The following FBP1 variants were observed in gnomAD, a reference collection of about 807,000 sequenced individuals.
FBP1 encodes fructose-1,6-bisphosphatase 1.
In FBP1, 22 loss-of-function variants were observed where a neutral mutation model predicts 29.9. The observed-to-expected ratio is 0.74, with a 90% CI of 0.53 to 1.05. The LOEUF (loss-of-function observed/expected upper bound fraction) is 1.05, where lower values mean the gene tolerates loss of function less well. Among genes scored for constraint, FBP1 ranks in the 50% least tolerant of loss-of-function variants. FBP1 has a pLI of 0.00. For synonymous variants in FBP1, 175 were observed against 178.6 expected (o/e 0.98, Z 0.16); for missense variants, 345 against 448.2 (o/e 0.77, Z 2.08).
chr9:94,626,790 C>T lies in FBP1; in HGVS notation c.171-6299G>A, dbSNP rs1828031942. The stretch of plus-strand genomic sequence containing the variant: ...ATGTCTGGCCAGGCACAGTGGCTCA[C>T]ACCTGTAATCTCAGCACTTTGGGAA... On this transcript the variant is annotated intron_variant, in intron 1 of 6. Coordinates refer to ENST00000375326, the MANE Select transcript of FBP1 (RefSeq NM_000507.4). Among the ~76,000 whole-genome samples, 4 of 152,176 alleles carry T rather than the reference C, an allele frequency of 2.6e-5. No homozygotes were observed. The South Asian group carries it at 8.3e-4, about 32-fold the overall frequency.
intron 5 of FBP1, 98 bp from the exon 6 acceptor site, chr9:94,605,674 G>T (rs992494549): frequency 1.7e-6 from 2 of 1,196,116 alleles, no homozygotes; most frequent in Non-Finnish European, 1.2e-6. Flanking sequence ...TCCATTCACC[G>T]AGCACCTACA....
chr9:94,603,698 T>G, intron 6 of FBP1, 126 bp from the exon 7 acceptor site: 1 of 887,946 alleles, frequency 1.1e-6, no homozygotes, highest in Non-Finnish European at 1.8e-6. Flanking sequence ...GTATTTTTCC[T>G]TCCTGTGAGG....
chr9:94,605,975 G>T, intron 5 of FBP1, among the ~76,000 whole-genome samples: 1 of 152,180 alleles, frequency 6.6e-6, no homozygotes, highest in East Asian at 1.9e-4. Flanking sequence ...ACAAGTGTCT[G>T]CTTAGCAATG....
intron 1 of FBP1, among the ~76,000 whole-genome samples, chr9:94,634,940 T>C (rs1278204546): frequency 6.6e-6 from 1 of 151,990 alleles, no homozygotes; most frequent in African/African-American, 2.4e-5. Context: ...AATACAAAAA[T>C]TAGCCAGGTA....
chr9:94,639,048 G>C (rs891063228), intron 1 of FBP1, 93 bp downstream of exon 1: 17 of 1,239,490 alleles, frequency 1.4e-5, no homozygotes, highest in Admixed American at 9.9e-5. Context: ...AGAGGCTGAC[G>C]GCAGGAGGCT....
intron 1 of FBP1, among the ~76,000 whole-genome samples, chr9:94,637,680 C>T (rs1371431151): frequency 2.6e-5 from 4 of 152,078 alleles, no homozygotes; most frequent in African/African-American, 7.2e-5. Flanking sequence ...CTAGAGCCTA[C>T]GCGCCCAGCC....
intron 1 of FBP1, among the ~76,000 whole-genome samples, chr9:94,625,748 T>G (rs1828016826): frequency 6.6e-6 from 1 of 152,084 alleles, no homozygotes; most frequent in Admixed American, 6.5e-5. Flanking sequence ...TGAGCCCAGA[T>G]GGCGCCCCTG....
intron 3 of FBP1, among the ~76,000 whole-genome samples, chr9:94,612,700 G>A (rs149568970): frequency 0.053 from 8,058 of 151,774 alleles, 685 homozygotes; most frequent in African/African-American, 0.18. Flanking sequence ...GGGATTACAG[G>A]CGCCCACCAC....
intron 1 of FBP1, among the ~76,000 whole-genome samples, chr9:94,635,132 T>C (rs1197190922): frequency 6.7e-6 from 1 of 149,950 alleles, no homozygotes; most frequent in Non-Finnish European, 1.5e-5. Context: ...ATAGATGAGA[T>C]TTAGAGTTTG....
intron 3 of FBP1, among the ~76,000 whole-genome samples, chr9:94,616,409 T>C (rs1226266625): frequency 6.6e-6 from 1 of 152,126 alleles, no homozygotes; most frequent in Non-Finnish European, 1.5e-5. Context: ...CAAAAACTAT[T>C]TGTACCCCCC....
intron 4 of FBP1, among the ~76,000 whole-genome samples, chr9:94,609,070 G>T (rs905644468): frequency 2.0e-5 from 3 of 151,908 alleles, no homozygotes; most frequent in Non-Finnish European, 4.4e-5. Flanking sequence ...GGCGCCTGTA[G>T]TCCCAGCTAC....
At position 94,614,864 on chromosome 9, in the gene FBP1, G is replaced by A. The variant is rs867045514; in HGVS notation, c.426+2904C>T. On this transcript the variant is annotated intron_variant, in intron 3 of 6. Transcript: ENST00000375326. ...TTCAAAAAACTGAAATGACTTAGAGGTCTGTGTCATACTCATCATCACTTT... is the reference window on the plus strand; with the variant it reads ...TTCAAAAAACTGAAATGACTTAGAGATCTGTGTCATACTCATCATCACTTT... 3.3e-5 allele frequency among the ~76,000 whole-genome samples: 5 copies of A among 152,178 alleles called. No individual in the cohort carries two copies. In the South Asian group the frequency reaches 6.2e-4, roughly 19 times the overall value.
chr9:94,607,881 G>A (rs1827724245), intron 4 of FBP1, among the ~76,000 whole-genome samples: 2 of 152,260 alleles, frequency 1.3e-5, no homozygotes, highest in African/African-American at 4.8e-5. Context: ...AGGGAGGGGA[G>A]AATTCACAGT....
chr9:94,616,505 A>G (rs914606595), intron 3 of FBP1, among the ~76,000 whole-genome samples: 3 of 128,426 alleles, frequency 2.3e-5, no homozygotes, highest in African/African-American at 9.2e-5. Flanking sequence ...CAGTGGTGTG[A>G]TCTCGGCTCA....
chr9:94,635,086 C>CAAAAAAAAAAAAAAAAAAAAAAAA (rs11289183), intron 1 of FBP1, among the ~76,000 whole-genome samples: 1 of 82,254 alleles, frequency 1.2e-5, no homozygotes, highest in Non-Finnish European at 2.3e-5. Context: ...GGCCCTGTCT[C>CAAAAAAAAAAAAAAAAAAAAAAAA]AAAAAAAAAA....
chr9:94,617,776 A>G lies in FBP1; in HGVS notation c.418T>C (p.Tyr140His). The G allele has an allele frequency of 6.2e-7, 1 of 1,610,988 alleles. No homozygotes were observed. Among genetic ancestry groups the G allele is most frequent in the Non-Finnish European group, 8.5e-7 (1 of 1,177,158 alleles). ...LVSVGTIFGI[Y>H]RKKSTDEPSE... is the part of the protein sequence containing the mutation. ...AAGATATCACGTTTTACCTTTCTATAGATGCCAAAAATGGTTCCAACGGAC... is the reference window on the plus strand; with the variant it reads ...AAGATATCACGTTTTACCTTTCTATGGATGCCAAAAATGGTTCCAACGGAC... The change falls in exon 3 of 7, where the codon TAT becomes CAT. Residue 140 changes from tyrosine (Y) to histidine (H), a missense_variant. Coordinates refer to ENST00000375326, the MANE Select transcript of FBP1 (RefSeq NM_000507.4).
intron 3 of FBP1, among the ~76,000 whole-genome samples, chr9:94,616,917 CCTCTCT>C (rs57093330): frequency 1.3e-5 from 2 of 149,162 alleles, no homozygotes; most frequent in Admixed American, 6.7e-5. Context: ...TCCTCTCTCT[CCTCTCT>C]CTCTCTCTCT....
At chr9:94,621,278 C>T (rs1827945900) in intron 1 of FBP1, among the ~76,000 whole-genome samples, 3 of 150,576 alleles carry the variant, frequency 2.0e-5, no homozygotes, top group Admixed American at 1.3e-4. Flanking sequence ...CGCCTGTAGT[C>T]CCAGCTATTC....
intron 1 of FBP1, among the ~76,000 whole-genome samples, chr9:94,636,162 G>A (rs889241587): frequency 6.6e-6 from 1 of 152,132 alleles, no homozygotes; most frequent in East Asian, 1.9e-4. Flanking sequence ...TTAAAACCTG[G>A]TATTCACAAC....
Sources: allele counts gnomAD v4.1 joint callset (sites outside exome capture counted in the v4.1 genomes callset), GRCh38; gene constraint gnomAD v4.1.1; transcripts MANE v1.5; gene names NCBI Gene and HGNC (gene_info 2026-07-23, HGNC 2026-07-21).